SLC24A2: variants seen among roughly 807,000 people sequenced by gnomAD.
SLC24A2 encodes sodium/potassium/calcium exchanger 2.
SLC24A2 carries 36 observed loss-of-function variants against 62.0 expected under a neutral mutation model. That is an observed-to-expected ratio of 0.58 (90% CI 0.44 to 0.77). The LOEUF is 0.77. Among genes scored for constraint, SLC24A2 ranks in the 30% least tolerant of loss-of-function variants. The probability of loss-of-function intolerance (pLI) is 0.00; values close to 1 mark genes in which losing one functional copy is unlikely to be tolerated. For missense variants in SLC24A2, 846 were observed against 817.9 expected, an observed-to-expected ratio of 1.03 and a Z score of -0.42; for synonymous variants, 358 against 294.0, an observed-to-expected ratio of 1.22 and a Z score of -2.23.
At chr9:20,073,710 T>C in the SLC24A2 span, among the ~76,000 whole-genome samples, 2 of 152,134 alleles carry the variant, frequency 1.3e-5, no homozygotes, top group South Asian at 2.1e-4. Flanking sequence ...TTCCATAAAG[T>C]CTTAGGATCT....
At chr9:19,800,965 C>G in the SLC24A2 span, among the ~76,000 whole-genome samples, 2 of 152,180 alleles carry the variant, frequency 1.3e-5, no homozygotes, top group African/African-American at 4.8e-5. Flanking sequence ...GTGAGTCTAC[C>G]TTATATGTAA....
the SLC24A2 span, among the ~76,000 whole-genome samples, chr9:20,195,188 T>G: frequency 2.6e-5 from 4 of 152,192 alleles, no homozygotes; most frequent in African/African-American, 9.6e-5. Flanking sequence ...TGATGGCTAT[T>G]TGCATTGTTT....
the SLC24A2 span, among the ~76,000 whole-genome samples, chr9:19,922,341 T>C: frequency 6.6e-6 from 1 of 152,080 alleles, no homozygotes. Flanking sequence ...ATTCCTATGA[T>C]GTTTTTTAAA....
chr9:20,231,155 A>G, the SLC24A2 span, among the ~76,000 whole-genome samples: 8 of 152,146 alleles, frequency 5.3e-5, 1 homozygote. Flanking sequence ...TATACTTTGA[A>G]GTCAGGTAGC....
chr9:20,058,294 A>C, the SLC24A2 span, among the ~76,000 whole-genome samples: 3 of 152,300 alleles, frequency 2.0e-5, no homozygotes, highest in African/African-American at 7.2e-5. Context: ...ATGAACCAAC[A>C]AATTTTTAAA....
At chr9:20,265,087 C>T in the SLC24A2 span, among the ~76,000 whole-genome samples, 10 of 152,376 alleles carry the variant, frequency 6.6e-5, no homozygotes, top group East Asian at 1.7e-3. Flanking sequence ...CTAAATGGCT[C>T]TGCTCTTGCA....
intron 7 of SLC24A2, among the ~76,000 whole-genome samples, chr9:19,564,399 AAGTC>A (rs1835563636): frequency 6.6e-6 from 1 of 152,228 alleles, no homozygotes; most frequent in Non-Finnish European, 1.5e-5. Context: ...ATGGAGAAAT[AAGTC>A]AGAGCTGAAT....
intron 2 of SLC24A2, among the ~76,000 whole-genome samples, chr9:19,699,131 C>A (rs1298074967): frequency 5.3e-5 from 8 of 152,040 alleles, no homozygotes; most frequent in Non-Finnish European, 1.0e-4. Flanking sequence ...GGGGTTCTGG[C>A]AATTACTGTA....
the SLC24A2 span, among the ~76,000 whole-genome samples, chr9:20,143,095 C>T: frequency 6.6e-6 from 1 of 152,292 alleles, no homozygotes; most frequent in East Asian, 1.9e-4. Flanking sequence ...TGTAGGTCTG[C>T]TGATTCTAAA....
chr9:19,971,783 G>C, the SLC24A2 span, among the ~76,000 whole-genome samples: 1 of 152,026 alleles, frequency 6.6e-6, no homozygotes, highest in Non-Finnish European at 1.5e-5. Context: ...TGATGATGAC[G>C]ATGGCTGACA....
rs752242749 is a variant in SLC24A2, at chr9:19,619,576, A to G, written c.1078+8T>C. Reference sequence around the variant, plus strand: ...AAACAAGTTCCCAAACCAAAGCTTGATGTTTACCTTCGGCGAGTGGGTCAA... The same window carrying G: ...AAACAAGTTCCCAAACCAAAGCTTGGTGTTTACCTTCGGCGAGTGGGTCAA... On this transcript the variant is annotated splice_region_variant and intron_variant, in intron 4 of 10. Coordinates refer to ENST00000341998, the MANE Select transcript of SLC24A2 (RefSeq NM_020344.4). The G allele has an allele frequency of 1.9e-6, 3 of 1,602,806 alleles. No individual in the cohort carries two copies. The highest frequency in any genetic ancestry group is 3.3e-5 in the Admixed American group (2 of 59,996).
the SLC24A2 span, among the ~76,000 whole-genome samples, chr9:20,234,257 A>C: frequency 6.6e-6 from 1 of 152,004 alleles, no homozygotes; most frequent in African/African-American, 2.4e-5. Context: ...GTATTTCCTG[A>C]ATTTGAATGT....
At chr9:20,004,291 C>T in the SLC24A2 span, among the ~76,000 whole-genome samples, 8 of 152,184 alleles carry the variant, frequency 5.3e-5, no homozygotes, top group Non-Finnish European at 1.2e-4. Flanking sequence ...CAGACATGGG[C>T]AGGACATTTT....
Position 19,550,153 on chromosome 9 carries a change from G to A in SLC24A2, c.1463C>T (p.Pro488Leu). ...PIVFPLWITLPDVRKPSSRKF... is the reference protein window; with the variant it reads ...PIVFPLWITLLDVRKPSSRKF... Reference sequence around the variant, plus strand: ...TTTACTTACAGGTTTGCGAACGTCAGGTAACGTAATCCAGAGAGGAAACAC... The same window carrying A: ...TTTACTTACAGGTTTGCGAACGTCAAGTAACGTAATCCAGAGAGGAAACAC... Residue 488 changes from proline (P) to leucine (L), a missense_variant, in exon 8 of 11, where the codon CCT (proline) becomes CTT (leucine). Transcript: ENST00000341998. 6.2e-7 allele frequency: 1 copy of A among 1,614,052 alleles called. No homozygotes were observed. Among genetic ancestry groups the A allele is most frequent in the Non-Finnish European group, 8.5e-7 (1 of 1,179,986 alleles).
At chr9:20,092,739 G>C in the SLC24A2 span, among the ~76,000 whole-genome samples, 1 of 152,164 alleles carries the variant, frequency 6.6e-6, no homozygotes, top group Non-Finnish European at 1.5e-5. Context: ...GTGCAGGGCA[G>C]GGGGATGAGG....
At chr9:19,755,716 T>G (rs936092036) in intron 2 of SLC24A2, among the ~76,000 whole-genome samples, 2 of 152,334 alleles carry the variant, frequency 1.3e-5, no homozygotes, top group Admixed American at 1.3e-4. Flanking sequence ...TCCACTACGA[T>G]GCCATAATCT....
chr9:19,600,849 A>G (rs1234235892), intron 4 of SLC24A2, among the ~76,000 whole-genome samples: 1 of 152,008 alleles, frequency 6.6e-6, no homozygotes, highest in Non-Finnish European at 1.5e-5. Flanking sequence ...GGAGGGGGAG[A>G]GCGTAGGATT....
intron 7 of SLC24A2, among the ~76,000 whole-genome samples, chr9:19,552,675 A>G (rs1325900571): frequency 4.6e-5 from 7 of 152,190 alleles, no homozygotes; most frequent in Non-Finnish European, 7.3e-5. Flanking sequence ...ACTTCAAGCT[A>G]ACCTTTTTCT....
the SLC24A2 span, among the ~76,000 whole-genome samples, chr9:20,079,377 AC>A: frequency 6.6e-6 from 1 of 152,206 alleles, no homozygotes; most frequent in Non-Finnish European, 1.5e-5. Context: ...GTAAACATAC[AC>A]AGTTTTTTGC....
Sources: allele counts gnomAD v4.1 joint callset (sites outside exome capture counted in the v4.1 genomes callset), GRCh38; gene constraint gnomAD v4.1.1; transcripts MANE v1.5; gene names NCBI Gene and HGNC (gene_info 2026-07-23, HGNC 2026-07-21).